The following LRCH3 variants were observed in gnomAD, a reference collection of about 807,000 sequenced individuals.
The protein encoded by LRCH3 is DISP complex protein LRCH3.
Under a neutral mutation model 104.5 loss-of-function variants are expected in LRCH3, and 68 were observed. The observed-to-expected ratio is 0.65, with a 90% confidence interval of 0.54 to 0.80. The LOEUF (loss-of-function observed/expected upper bound fraction) is 0.80. LRCH3 is among the 30% of genes least tolerant of loss of function. The pLI is 0.00. For synonymous variants in LRCH3, 344 were observed against 361.3 expected (o/e 0.95, Z 0.54); for missense variants, 951 against 953.9 (o/e 1.00, Z 0.04).
intron 1 of LRCH3, among the ~76,000 whole-genome samples, chr3:197,811,493 A>G (rs1183441393): frequency 6.6e-6 from 1 of 152,148 alleles, no homozygotes; most frequent in Non-Finnish European, 1.5e-5. Flanking sequence ...GGTACTGTAC[A>G]TGTGGGTTTT....
chr3:197,812,163 C>G (rs1733198762), intron 1 of LRCH3, among the ~76,000 whole-genome samples: 1 of 152,146 alleles, frequency 6.6e-6, no homozygotes, highest in South Asian at 2.1e-4. Context: ...ACACTGTATG[C>G]GTTAAACACT....
intron 20 of LRCH3, chr3:197,882,646 T>C (rs917844903): frequency 4.3e-5 from 42 of 977,118 alleles, no homozygotes; most frequent in Non-Finnish European, 4.7e-5. Flanking sequence ...TTTGGAATAT[T>C]TAATCTTAAC....
intron 20 of LRCH3, among the ~76,000 whole-genome samples, chr3:197,879,443 G>A (rs192390869): frequency 5.3e-5 from 8 of 151,308 alleles, no homozygotes; most frequent in Non-Finnish European, 8.8e-5. Context: ...TCAGGAGATC[G>A]AGACCATCCT....
Position 197,854,487 on chromosome 3 carries a change from T to C in LRCH3, c.1644+42T>C. ...AAACGGAGTTTCGCATTTCTGTGTT[T>C]AGAGATTGTACTTTTTATTCAGAAA... On this transcript the variant is annotated intron_variant, in intron 14 of 20. Transcript: ENST00000425562. The surrounding 1 kb of genome is among the most constrained non-coding windows in gnomAD (Gnocchi z 4.5). 6.4e-7 allele frequency: 1 copy of C among 1,562,848 alleles called. No homozygotes were observed. Among genetic ancestry groups the C allele is most frequent in the Non-Finnish European group, 8.8e-7 (1 of 1,133,312 alleles).
In LRCH3 at chr3:197,866,290, T is replaced by G. The variant is rs1400154582; in HGVS notation, c.1873+71T>G. 5.6e-6 allele frequency: 6 copies of G among 1,081,058 alleles called. No homozygotes were observed. In the East Asian group the frequency reaches 9.5e-5, roughly 17 times the overall value. The allele number at this position is 1,081,058 out of a possible 1,614,324, so 67.0% of individuals were successfully genotyped here. On this transcript the variant is annotated intron_variant, in intron 17 of 20. Transcript: ENST00000425562. ...ACAACGACGCTAGCTGTTAGATGGA[T>G]GCTTTTAAACTTCTGCATATAGTAT...
Position 197,825,624 on chromosome 3 carries a change from C to T in LRCH3, c.641-1254C>T, listed in dbSNP as rs187925830. ...CCTCCCGAGTAGCTGGGACTACAGG[C>T]GCCCGCCACCACGCCCAGCTAATTT... On this transcript the variant is annotated intron_variant, in intron 4 of 20. Coordinates refer to ENST00000425562, the MANE Select transcript of LRCH3 (RefSeq NM_001365715.1). Among the ~76,000 whole-genome samples the T allele has an allele frequency of 7.9e-3, 1,186 of 150,850 alleles. 11 individuals are homozygous for T. Among genetic ancestry groups the T allele is most frequent in the African/African-American group, 0.027 (1,108 of 41,130 alleles).
intron 9 of LRCH3, among the ~76,000 whole-genome samples, chr3:197,838,454 CTTGGAAGTAGATGGT>C (rs1038936983): frequency 4.3e-4 from 63 of 146,300 alleles, no homozygotes; most frequent in African/African-American, 1.7e-3. Flanking sequence ...GATGCTATTT[CTTGGAAGTAGATGGT>C]AAGTAGTTTT....
In LRCH3 at chr3:197,791,311, G is replaced by T. The variant is rs753156861; in HGVS notation, c.33G>T (p.Ala11=). MAAAGLVAVA[A]AAEYSGTVAS... ...CCGCGGGCTTGGTCGCTGTGGCAGC[G>T]GCTGCCGAGTACTCTGGCACGGTAG... Residue 11 remains alanine (A), a synonymous_variant, in exon 1 of 21, where the codon GCG becomes GCT. Transcript: ENST00000425562. 6.2e-6 allele frequency: 10 copies of T among 1,609,126 alleles called. No individual in the cohort carries two copies. Among genetic ancestry groups the T allele is most frequent in the Non-Finnish European group, 8.5e-6 (10 of 1,178,840 alleles).
intron 1 of LRCH3, among the ~76,000 whole-genome samples, chr3:197,799,597 TGG>T (rs1731641231): frequency 6.6e-6 from 1 of 152,234 alleles, no homozygotes. Flanking sequence ...CTAGGCGCGG[TGG>T]CTCATGCCTG....
At chr3:197,879,208 T>A (rs1358084246) in intron 20 of LRCH3, among the ~76,000 whole-genome samples, 1 of 152,246 alleles carries the variant, frequency 6.6e-6, no homozygotes, top group Non-Finnish European at 1.5e-5. Flanking sequence ...TGTTAAAGGA[T>A]GTCTGTCTCC....
chr3:197,837,598 A>G (rs637584), intron 9 of LRCH3, among the ~76,000 whole-genome samples: 11,828 of 152,244 alleles, frequency 0.078, 550 homozygotes, highest in Middle Eastern at 0.12. Flanking sequence ...ACACTCTACT[A>G]TTATTTAATT....
Position 197,870,231 on chromosome 3 carries a change from T to G in LRCH3, c.1945T>G (p.Ser649Ala), listed in dbSNP as rs953726901. ...DSTDSITGQN[S>A]RQREEELELI... ...TACAGATTCCATAACAGGACAGAAT[T>G]CAAGACAGAGAGAAGAAGAGCTGGA... The change falls in exon 18 of 21, where the codon TCA becomes GCA. Residue 649 changes from serine to alanine, a missense_variant. Transcript: ENST00000425562. The G allele has an allele frequency of 7.4e-6, 12 of 1,613,510 alleles. No homozygotes were observed. The highest frequency in any genetic ancestry group is 1.0e-5 in the Non-Finnish European group (12 of 1,179,434).
At chr3:197,796,310 C>T (rs1731206687) in intron 1 of LRCH3, among the ~76,000 whole-genome samples, 3 of 151,956 alleles carry the variant, frequency 2.0e-5, no homozygotes, top group African/African-American at 4.8e-5. Context: ...AGCACAACTA[C>T]TATGTTTTAG....
chr3:197,811,271 ATTAC>A lies in LRCH3; in HGVS notation c.263-3634_263-3631del, dbSNP rs147858504. On this transcript the variant is annotated intron_variant, in intron 1 of 20. Coordinates refer to ENST00000425562, the MANE Select transcript of LRCH3 (RefSeq NM_001365715.1). Reference sequence around the variant, plus strand: ...ATAATTCTTTAGGGACTTTTTGAAAATTACTTTTTAGTTTATTTCATACTGATTG... The same window carrying A: ...ATAATTCTTTAGGGACTTTTTGAAAATTTTTAGTTTATTTCATACTGATTG... Among the ~76,000 whole-genome samples the A allele has an allele frequency of 2.1e-3, 327 of 152,238 alleles. 2 individuals carry two copies. Among genetic ancestry groups the A allele is most frequent in the African/African-American group, 7.2e-3 (298 of 41,544 alleles).
intron 5 of LRCH3, among the ~76,000 whole-genome samples, chr3:197,827,894 T>C (rs1458518933): frequency 1.3e-5 from 2 of 151,984 alleles, no homozygotes; most frequent in East Asian, 1.9e-4. Flanking sequence ...CTGGCCAACA[T>C]GGTGAAACCT....
chr3:197,834,188 T>G (rs543776901), intron 8 of LRCH3, among the ~76,000 whole-genome samples: 2 of 152,340 alleles, frequency 1.3e-5, no homozygotes, highest in East Asian at 3.9e-4. Context: ...GTAGGAAGTT[T>G]TTTTTTCTAG....
Position 197,792,591 on chromosome 3 carries a change from A to G in LRCH3, c.262+1051A>G, listed in dbSNP as rs1462422582. Among the ~76,000 whole-genome samples, 3 of 82,140 alleles carry G rather than the reference A, an allele frequency of 3.7e-5. 1 individual carries two copies. The highest frequency in any genetic ancestry group is 7.7e-5 in the Non-Finnish European group (3 of 39,046). 53.9% of individuals were successfully genotyped at this position (82,140 alleles called of 152,430 possible). ...CCCAGCTAATTTTATATATATATAT[A>G]TATATATATATATAAAATATACATA... is the stretch of plus-strand genomic sequence containing the variant. On this transcript the variant is annotated intron_variant, in intron 1 of 20. Coordinates refer to ENST00000425562, the MANE Select transcript of LRCH3 (RefSeq NM_001365715.1).
intron 20 of LRCH3, chr3:197,881,818 C>G (rs939942676): frequency 2.0e-6 from 2 of 985,254 alleles, no homozygotes; most frequent in African/African-American, 3.5e-5. Context: ...GTTTAGAATT[C>G]AGCCTGAGGG....
chr3:197,850,813 G>A, intron 12 of LRCH3: 1 of 1,177,240 alleles, frequency 8.5e-7, no homozygotes, highest in Non-Finnish European at 1.3e-6. Context: ...ACATCTTTCA[G>A]ATACTTCGTG....
Sources: allele counts gnomAD v4.1 joint callset (sites outside exome capture counted in the v4.1 genomes callset), GRCh38; gene constraint gnomAD v4.1.1; non-coding constraint Gnocchi (gnomAD v3.1); transcripts MANE v1.5; gene names NCBI Gene and HGNC (gene_info 2026-07-23, HGNC 2026-07-21).